The following ZSWIM5 variants were observed in gnomAD, a reference collection of about 807,000 sequenced individuals.
ZSWIM5 encodes zinc finger SWIM domain-containing protein 5.
Under a neutral mutation model 119.6 loss-of-function variants are expected in ZSWIM5, and 55 were observed. The ratio of observed to expected loss-of-function variants is 0.46; its 90% CI spans 0.37 to 0.58. The LOEUF (loss-of-function observed/expected upper bound fraction) is 0.58. Among genes scored for constraint, ZSWIM5 ranks in the 20% least tolerant of loss-of-function variants. ZSWIM5 has a pLI of 0.00. For synonymous variants in ZSWIM5, 537 were observed against 606.9 expected (o/e 0.88, Z 1.69); for missense variants, 1,193 against 1,512.8 (o/e 0.79, Z 3.51).
intron 1 of ZSWIM5, among the ~76,000 whole-genome samples, chr1:45,129,153 GT>G (rs869042927): frequency 0.051 from 3,562 of 70,066 alleles, 12 homozygotes; most frequent in African/African-American, 0.084. Context: ...CATACATCTT[GT>G]TTTTTTTTTT....
At chr1:45,044,334 T>C (rs1645034347) in intron 5 of ZSWIM5, among the ~76,000 whole-genome samples, 1 of 152,038 alleles carries the variant, frequency 6.6e-6, no homozygotes, top group African/African-American at 2.4e-5. Flanking sequence ...GCACCTGTTA[T>C]CCCAGCACTT....
chr1:45,041,527 C>T (rs1283478623), intron 6 of ZSWIM5, among the ~76,000 whole-genome samples: 1 of 142,506 alleles, frequency 7.0e-6, no homozygotes, highest in Non-Finnish European at 1.5e-5. Context: ...TATTTACTCA[C>T]ACTTTTCTAG....
At chr1:45,143,448 A>G (rs186374593) in intron 1 of ZSWIM5, among the ~76,000 whole-genome samples, 2 of 152,322 alleles carry the variant, frequency 1.3e-5, no homozygotes, top group Admixed American at 6.5e-5. Context: ...AAATACAACA[A>G]CTGTTCATGA....
At chr1:45,025,923 G>C (rs1644917926) in intron 11 of ZSWIM5, among the ~76,000 whole-genome samples, 2 of 152,164 alleles carry the variant, frequency 1.3e-5, no homozygotes, top group African/African-American at 4.8e-5. Flanking sequence ...TATTGTATTA[G>C]TTAGGAACTT....
At chr1:45,105,454 G>C (rs1357931519) in intron 1 of ZSWIM5, among the ~76,000 whole-genome samples, 70 of 147,638 alleles carry the variant, frequency 4.7e-4, no homozygotes, top group Non-Finnish European at 4.6e-5. Context: ...CGCCCCGTCT[G>C]GGAAGTGAGG....
chr1:45,160,989 A>ATTTTTTTTTTTTTTTTTTTTTTTTTTTTT lies in ZSWIM5; in HGVS notation c.595+44766_595+44767insAAAAAAAAAAAAAAAAAAAAAAAAAAAAA, dbSNP rs534599856. 1.3e-4 allele frequency among the ~76,000 whole-genome samples: 16 copies of ATTTTTTTTTTTTTTTTTTTTTTTTTTTTT among 122,650 alleles called. 1 individual carries two copies. Among genetic ancestry groups the ATTTTTTTTTTTTTTTTTTTTTTTTTTTTT allele is most frequent in the Admixed American group, 2.5e-4 (3 of 11,946 alleles). 80.5% of individuals were successfully genotyped at this position (122,650 alleles called of 152,430 possible). On this transcript the variant is annotated intron_variant, in intron 1 of 13. Coordinates refer to ENST00000359600, the MANE Select transcript of ZSWIM5 (RefSeq NM_020883.2). The stretch of plus-strand genomic sequence containing the variant: ...AGCGCCTGCCACCATGCCCGGCTAA[A>ATTTTTTTTTTTTTTTTTTTTTTTTTTTTT]TTTTTTTTTTTTTTTTTAGTAGAGA...
At chr1:45,049,510 T>C (rs1341395295) in intron 5 of ZSWIM5, among the ~76,000 whole-genome samples, 1 of 151,940 alleles carries the variant, frequency 6.6e-6, no homozygotes, top group African/African-American at 2.4e-5. Flanking sequence ...ACCAATATAT[T>C]ATGACAAGGA....
Position 45,205,739 on chromosome 1 carries a change from C to A in ZSWIM5, c.595+17G>T. 1 of 1,548,608 alleles carries A rather than the reference C, an allele frequency of 6.5e-7. No individual in the cohort carries two copies. The highest frequency in any genetic ancestry group is 1.8e-5 in the Admixed American group (1 of 56,298). The stretch of plus-strand genomic sequence containing the variant: ...AGAGGAGGCTGAGGACCCGAGAACG[C>A]CTGGACGAGCACATACCGACTTGCA... On this transcript the variant is annotated intron_variant, in intron 1 of 13. Transcript: ENST00000359600.
chr1:45,027,407 A>AT (rs1286083814), intron 11 of ZSWIM5, among the ~76,000 whole-genome samples: 1 of 151,278 alleles, frequency 6.6e-6, no homozygotes, highest in African/African-American at 2.4e-5. Context: ...TAATTAATTA[A>AT]TTTTTTTTGA....
Position 45,038,965 on chromosome 1 carries a change from A to G in ZSWIM5, c.1865T>C (p.Leu622Pro), listed in dbSNP as rs778857136. The change falls in exon 8 of 14, where the codon CTG becomes CCG. Residue 622 changes from leucine to proline, a missense_variant. Physicochemically the swap from Leu to Pro is moderately conservative, Grantham distance 98. Transcript: ENST00000359600. The stretch of plus-strand genomic sequence containing the variant: ...CATCTCCAGATAGCCATCATCATTC[A>G]GGCGGCAGGCCTCAGTCAAAGTGAG... Reference protein sequence around the residue: ...LFLTLTEACRLNDDGYLEMSD... With the variant: ...LFLTLTEACRPNDDGYLEMSD... The G allele has an allele frequency of 6.2e-7, 1 of 1,614,022 alleles. No individual in the cohort carries two copies. The highest frequency in any genetic ancestry group is 8.5e-7 in the Non-Finnish European group (1 of 1,180,016).
intron 2 of ZSWIM5, among the ~76,000 whole-genome samples, chr1:45,062,713 C>T (rs1210471256): frequency 6.6e-6 from 1 of 152,078 alleles, no homozygotes; most frequent in Non-Finnish European, 1.5e-5. Flanking sequence ...TGCTATATTG[C>T]CCAGGCTGGT....
At chr1:45,124,179 A>C (rs1355553579) in intron 1 of ZSWIM5, among the ~76,000 whole-genome samples, 2 of 152,158 alleles carry the variant, frequency 1.3e-5, no homozygotes, top group African/African-American at 4.8e-5. Context: ...AAAAGGCAGT[A>C]AACAAAAATA....
intron 1 of ZSWIM5, among the ~76,000 whole-genome samples, chr1:45,178,417 C>G (rs1249718280): frequency 6.6e-6 from 1 of 152,074 alleles, no homozygotes; most frequent in Non-Finnish European, 1.5e-5. Flanking sequence ...GAGTGAGACT[C>G]CGTCTCAGAA....
At chr1:45,061,325 A>G (rs1013254660) in intron 2 of ZSWIM5, among the ~76,000 whole-genome samples, 1 of 151,702 alleles carries the variant, frequency 6.6e-6, no homozygotes, top group Non-Finnish European at 1.5e-5. Context: ...CTGACAAATA[A>G]TTGTGTGTAT....
At chr1:45,166,875 T>G (rs1377142839) in intron 1 of ZSWIM5, among the ~76,000 whole-genome samples, 1 of 152,048 alleles carries the variant, frequency 6.6e-6, no homozygotes, top group Non-Finnish European at 1.5e-5. Flanking sequence ...AGAATAAATA[T>G]TGTGAAAATG....
intron 8 of ZSWIM5, among the ~76,000 whole-genome samples, chr1:45,037,498 TTGTC>T (rs1284635347): frequency 6.6e-6 from 1 of 152,230 alleles, no homozygotes; most frequent in Non-Finnish European, 1.5e-5. Flanking sequence ...AATGCTGTAA[TTGTC>T]TGTTTTTGTT....
chr1:45,069,182 T>C lies in ZSWIM5; in HGVS notation c.953-8935A>G, dbSNP rs868234971. ...TGGCTCATGCCTGTAATCCCAGCAC[T>C]TTGGGAGGCCGAGGTGGGTGGATCA... On this transcript the variant is annotated intron_variant, in intron 2 of 13. Coordinates refer to ENST00000359600, the MANE Select transcript of ZSWIM5 (RefSeq NM_020883.2). Among the ~76,000 whole-genome samples, 3 of 152,038 alleles carry C rather than the reference T, an allele frequency of 2.0e-5. No individual in the cohort carries two copies. The South Asian group carries it at 6.2e-4, about 32-fold the overall frequency.
chr1:45,059,415 C>G (rs1253553168), intron 3 of ZSWIM5, among the ~76,000 whole-genome samples: 2 of 152,094 alleles, frequency 1.3e-5, no homozygotes, highest in Non-Finnish European at 2.9e-5. Context: ...AGACTACATA[C>G]TATATGAATG....
chr1:45,055,020 C>T (rs1426623057), intron 4 of ZSWIM5, among the ~76,000 whole-genome samples: 2 of 151,982 alleles, frequency 1.3e-5, no homozygotes, highest in African/African-American at 2.4e-5. Context: ...AAGATGGAGT[C>T]TCATTGTGTC....
Sources: allele counts gnomAD v4.1 joint callset (sites outside exome capture counted in the v4.1 genomes callset), GRCh38; gene constraint gnomAD v4.1.1; transcripts MANE v1.5; gene names NCBI Gene and HGNC (gene_info 2026-07-23, HGNC 2026-07-21).